ANO3: variants seen among roughly 807,000 people sequenced by gnomAD.
ANO3 encodes the protein anoctamin-3.
ANO3 carries 99 observed loss-of-function variants against 144.8 expected under a neutral mutation model. The observed-to-expected ratio is 0.68, with a 90% CI of 0.58 to 0.81. ANO3 has a LOEUF of 0.81. Ranked by LOEUF, ANO3 falls within the 30% of genes least tolerant of loss-of-function variation. The pLI, the probability that ANO3 is intolerant of heterozygous loss-of-function variation, is 0.00. For missense variants in ANO3, 905 were observed against 1,202.2 expected (o/e 0.75, Z 3.66); for synonymous variants, 414 against 392.6 (o/e 1.05, Z -0.64).
At chr11:26,206,062 G>A (rs1000324569) in intron 1 of ANO3, among the ~76,000 whole-genome samples, 1 of 152,084 alleles carries the variant, frequency 6.6e-6, no homozygotes, top group Admixed American at 6.6e-5. Flanking sequence ...TTGCAGTAAA[G>A]AATTTATCAA....
chr11:26,247,244 AT>A (rs1346666527), intron 1 of ANO3, among the ~76,000 whole-genome samples: 3 of 151,012 alleles, frequency 2.0e-5, no homozygotes, highest in Admixed American at 1.3e-4. Context: ...CTCAAAGTAT[AT>A]TTTTTATATA....
upstream of ANO3, among the ~76,000 whole-genome samples, chr11:26,305,475 A>G (rs1679977894): frequency 6.6e-6 from 1 of 152,064 alleles, no homozygotes; most frequent in Non-Finnish European, 1.5e-5. Flanking sequence ...CCACCGAGAC[A>G]GAAGAGAGAC....
chr11:26,379,180 A>G (rs1291762260), intron 1 of ANO3, among the ~76,000 whole-genome samples: 3 of 152,154 alleles, frequency 2.0e-5, no homozygotes, highest in African/African-American at 7.2e-5. Flanking sequence ...AGATGAGACT[A>G]TCAGGTTTTT....
At chr11:26,229,787 T>A (rs1419572392) in intron 1 of ANO3, among the ~76,000 whole-genome samples, 1 of 151,982 alleles carries the variant, frequency 6.6e-6, no homozygotes, top group Non-Finnish European at 1.5e-5. Flanking sequence ...TGTGCATACA[T>A]CCAATTACCC....
At chr11:26,299,369 T>C (rs1854165447) in intron 1 of ANO3, among the ~76,000 whole-genome samples, 1 of 152,182 alleles carries the variant, frequency 6.6e-6, no homozygotes, top group Non-Finnish European at 1.5e-5. Flanking sequence ...TTGACAGTCT[T>C]AGTGAAGTGA....
intron 2 of ANO3, among the ~76,000 whole-genome samples, chr11:26,443,242 G>A (rs908976400): frequency 6.6e-6 from 1 of 152,136 alleles, no homozygotes; most frequent in African/African-American, 2.4e-5. Context: ...ATGTAAAGTG[G>A]CAAACTGTTC....
At chr11:26,624,777 C>A (rs888164463) in intron 18 of ANO3, among the ~76,000 whole-genome samples, 6 of 152,114 alleles carry the variant, frequency 3.9e-5, no homozygotes, top group African/African-American at 1.4e-4. Flanking sequence ...TTGGGTTTTT[C>A]CTCAATATTT....
intron 14 of ANO3, among the ~76,000 whole-genome samples, chr11:26,578,828 C>G (rs1392008762): frequency 6.6e-6 from 1 of 152,158 alleles, no homozygotes; most frequent in African/African-American, 2.4e-5. Context: ...TTCCAGCACT[C>G]AAGTGACTCT....
At chr11:26,497,816 A>G (rs1393504231) in intron 4 of ANO3, among the ~76,000 whole-genome samples, 1 of 152,048 alleles carries the variant, frequency 6.6e-6, no homozygotes, top group Non-Finnish European at 1.5e-5. Context: ...TTCCTTTACA[A>G]TAAAATGGTA....
intron 1 of ANO3, among the ~76,000 whole-genome samples, chr11:26,393,133 C>T (rs917340814): frequency 1.3e-5 from 2 of 152,152 alleles, no homozygotes; most frequent in Non-Finnish European, 2.9e-5. Context: ...ACTGGATACA[C>T]GTGTCCTTTC....
At chr11:26,349,090 A>G (rs1855569496) in intron 1 of ANO3, among the ~76,000 whole-genome samples, 1 of 152,196 alleles carries the variant, frequency 6.6e-6, no homozygotes, top group Non-Finnish European at 1.5e-5. Flanking sequence ...TTATTACTAC[A>G]TGGATGATTT....
chr11:26,429,468 A>AAAT (rs2134008171), intron 1 of ANO3, among the ~76,000 whole-genome samples: 1 of 151,896 alleles, frequency 6.6e-6, no homozygotes, highest in South Asian at 2.1e-4. Flanking sequence ...AGTTCAAAAA[A>AAAT]AAAAAACATA....
chr11:26,598,900 G>C lies in ANO3; in HGVS notation c.1573G>C (p.Glu525Gln). Residue 525 changes from glutamate (E) to glutamine (Q), a missense_variant, in exon 16 of 27, where the codon GAG becomes CAG. Physicochemically the swap from Glu to Gln is conservative, Grantham distance 29 (BLOSUM62 2). Transcript: ENST00000256737. ...GTTTGAAGCCAAGTATTACAAGATG[G>C]AGATTGTAAATCCCATCACGGGAAA... Reference protein sequence around the residue: ...PQFEAKYYKMEIVNPITGKPE... With the variant: ...PQFEAKYYKMQIVNPITGKPE... The C allele has an allele frequency of 6.2e-7, 1 of 1,613,858 alleles. No individual in the cohort carries two copies. The highest frequency in any genetic ancestry group is 1.3e-5 in the African/African-American group (1 of 75,016).
At chr11:26,381,944 C>CA (rs1255120215) in intron 1 of ANO3, among the ~76,000 whole-genome samples, 2 of 151,664 alleles carry the variant, frequency 1.3e-5, no homozygotes, top group African/African-American at 4.8e-5. Context: ...CCTTTGATGT[C>CA]AAAAAAAGAT....
intron 12 of ANO3, among the ~76,000 whole-genome samples, chr11:26,551,229 T>C (rs1000428591): frequency 3.3e-5 from 5 of 151,986 alleles, no homozygotes; most frequent in African/African-American, 1.2e-4. Context: ...ACTTTTATCT[T>C]TAATTGGTAG....
intron 1 of ANO3, among the ~76,000 whole-genome samples, chr11:26,206,750 T>A (rs1366522390): frequency 6.6e-6 from 1 of 152,162 alleles, no homozygotes; most frequent in African/African-American, 2.4e-5. Flanking sequence ...ACTGAAACAT[T>A]AAGCTGGTCA....
At chr11:26,562,796 C>A (rs955023619) in intron 14 of ANO3, among the ~76,000 whole-genome samples, 3 of 151,876 alleles carry the variant, frequency 2.0e-5, no homozygotes, top group Non-Finnish European at 4.4e-5. Context: ...CACTTGCTAA[C>A]AAAACTGGTC....
At chr11:26,444,467 A>G (rs531991077) in intron 3 of ANO3, among the ~76,000 whole-genome samples, 20 of 152,254 alleles carry the variant, frequency 1.3e-4, no homozygotes, top group Non-Finnish European at 2.6e-4. Flanking sequence ...CATAACCTGA[A>G]GAAATGAAGC....
chr11:26,216,219 G>A (rs1852033519), intron 1 of ANO3, among the ~76,000 whole-genome samples: 1 of 151,864 alleles, frequency 6.6e-6, no homozygotes. Flanking sequence ...AAATTTCTAA[G>A]GGTTTTCACA....
Sources: gnomAD v4.1 joint callset for allele counts (sites outside exome capture counted in the v4.1 genomes callset) on GRCh38, gnomAD v4.1.1 for gene constraint, MANE v1.5 for transcripts, NCBI Gene and HGNC (gene_info 2026-07-23, HGNC 2026-07-21) for gene names.